MYO18A: variants seen among roughly 807,000 people sequenced by gnomAD.
MYO18A encodes myosin XVIIIA.
Under a neutral mutation model 235.8 loss-of-function variants are expected in MYO18A, and 78 were observed. The observed-to-expected ratio is 0.33, with a 90% confidence interval of 0.28 to 0.40. The LOEUF is 0.40. Among genes scored for constraint, MYO18A ranks in the 10% least tolerant of loss-of-function variants. The pLI, the probability that MYO18A is intolerant of heterozygous loss-of-function variation, is 1.00. For synonymous variants in MYO18A, 977 were observed against 1,077.8 expected, an observed-to-expected ratio of 0.91 and a Z score of 1.83; for missense variants, 2,215 against 2,699.3, an observed-to-expected ratio of 0.82 and a Z score of 3.98.
At chr17:29,157,995 T>G (rs1311670505) in intron 2 of MYO18A, among the ~76,000 whole-genome samples, 1 of 152,190 alleles carries the variant, frequency 6.6e-6, no homozygotes, top group East Asian at 1.9e-4. Context: ...TGTTTTGCCA[T>G]GTTGCCCAGG....
intron 22 of MYO18A, 74 bp from the exon 23 acceptor site, chr17:29,099,043 C>G (rs1423218898): frequency 6.3e-7 from 1 of 1,576,534 alleles, no homozygotes; most frequent in Non-Finnish European, 8.6e-7. Flanking sequence ...GGATCCTCCC[C>G]ACCACCAGCA....
intron 2 of MYO18A, chr17:29,133,808 C>T: frequency 1.6e-6 from 2 of 1,289,338 alleles, no homozygotes; most frequent in Non-Finnish European, 2.0e-6. Context: ...CTTTTGCTCC[C>T]AGAAGGCGAA....
rs879700986 is a variant in MYO18A at position 29,125,145 on chromosome 17, C to T, written c.1000-2892G>A. On this transcript the variant is annotated intron_variant, in intron 2 of 41. Transcript: ENST00000527372. This position sits in a 1 kb window ranked among gnomAD's most constrained non-coding sequence, Gnocchi z 5.1. Reference sequence around the variant, plus strand: ...TCCAGAGCATTTCTCAGCCTAGCTCCCCTGTGGCCACCAGCACAGAGCTGT... The same window carrying T: ...TCCAGAGCATTTCTCAGCCTAGCTCTCCTGTGGCCACCAGCACAGAGCTGT... Among the ~76,000 whole-genome samples the T allele has an allele frequency of 2.0e-5, 3 of 152,210 alleles. No homozygotes were observed. The highest frequency in any genetic ancestry group is 2.9e-5 in the Non-Finnish European group (2 of 68,026).
At chr17:29,144,017 C>A (rs2067797230) in intron 2 of MYO18A, among the ~76,000 whole-genome samples, 1 of 152,226 alleles carries the variant, frequency 6.6e-6, no homozygotes, top group South Asian at 2.1e-4. Context: ...ATTCTTTTGT[C>A]CCCTACCTCA....
At position 29,083,512 on chromosome 17, in the gene MYO18A, AGGCATGTGTGCGCGCGCGCG is replaced by A. The variant is rs138806877; in HGVS notation, c.5898-1094_5898-1075del. ...TATGTTCTTAAATAAACAGCCACAC[AGGCATGTGTGCGCGCGCGCG>A]CACACACACACACACACACACACAC... On this transcript the variant is annotated intron_variant, in intron 40 of 41. Coordinates refer to ENST00000527372, the MANE Select transcript of MYO18A (RefSeq NM_078471.4). Among the ~76,000 whole-genome samples, 271 of 141,176 alleles carry A rather than the reference AGGCATGTGTGCGCGCGCGCG, an allele frequency of 1.9e-3. 5 individuals carry two copies. Among genetic ancestry groups the A allele is most frequent in the Non-Finnish European group, 2.3e-3 (150 of 64,330 alleles). 92.6% of individuals were successfully genotyped at this position (141,176 alleles called of 152,430 possible). A position where few individuals can be genotyped will look rare whatever the true frequency, so the allele number is the denominator to read the frequency against.
chr17:29,124,336 T>C lies in MYO18A; in HGVS notation c.1000-2083A>G, dbSNP rs573752418. The stretch of plus-strand genomic sequence containing the variant: ...CTTTCTCTCTCCAGAGTGAGCAGAG[T>C]TGAAACACCTAGAACTCAACCAGGC... On this transcript the variant is annotated intron_variant, in intron 2 of 41. Coordinates refer to ENST00000527372, the MANE Select transcript of MYO18A (RefSeq NM_078471.4). 3.9e-4 allele frequency among the ~76,000 whole-genome samples: 60 copies of C among 152,084 alleles called. 3 individuals carry two copies. The South Asian group carries it at 0.012, about 30-fold the overall frequency.
intron 1 of MYO18A, among the ~76,000 whole-genome samples, chr17:29,169,269 C>G (rs1174408022): frequency 6.6e-6 from 1 of 152,104 alleles, no homozygotes. Flanking sequence ...CCAGGATGGT[C>G]TCGATCTCCT....
chr17:29,166,333 A>C lies in MYO18A; in HGVS notation c.608T>G (p.Val203Gly), dbSNP rs1567645021. ...CACCACGGGGGGCAGGCGCAGGTCG[A>C]CTGGGAACTTTTTAGTCACTAGCTC... is the stretch of plus-strand genomic sequence containing the variant. ...APELVTKKFPVDLRLPPVVPL... is the reference protein window; with the variant it reads ...APELVTKKFPGDLRLPPVVPL... The change falls in exon 2 of 42, where the codon GTC becomes GGC. Residue 203 changes from valine to glycine, a missense_variant. Coordinates refer to ENST00000527372, the MANE Select transcript of MYO18A (RefSeq NM_078471.4). 2 of 1,612,624 alleles carry C rather than the reference A, an allele frequency of 1.2e-6. No individual in the cohort carries two copies. The highest frequency in any genetic ancestry group is 1.7e-5 in the Admixed American group (1 of 60,018).
At chr17:29,147,889 CAAAAAAAAAA>C (rs11389237) in intron 2 of MYO18A, among the ~76,000 whole-genome samples, 1 of 87,102 alleles carries the variant, frequency 1.1e-5, no homozygotes, top group Non-Finnish European at 2.3e-5. Flanking sequence ...GCCTGGGTGA[CAAAAAAAAAA>C]AAAAAAAAAG....
chr17:29,089,825 G>T, intron 37 of MYO18A, 136 bp downstream of exon 37: 1 of 1,162,784 alleles, frequency 8.6e-7, no homozygotes, highest in Middle Eastern at 2.3e-4. Context: ...GCACCTGCCC[G>T]TCAGCTGGCC....
At chr17:29,095,912 G>A (rs911200755) in intron 28 of MYO18A, among the ~76,000 whole-genome samples, 3 of 152,204 alleles carry the variant, frequency 2.0e-5, no homozygotes, top group Non-Finnish European at 4.4e-5. Flanking sequence ...GTCGAGCTAA[G>A]GGTGCCAGCC....
chr17:29,090,791 G>T lies in MYO18A; in HGVS notation c.5304+19C>A, dbSNP rs1245153107. On this transcript the variant is annotated intron_variant, in intron 35 of 41. Coordinates refer to ENST00000527372, the MANE Select transcript of MYO18A (RefSeq NM_078471.4). ...ATGGTGACGGTGCAGAGTGTGACGG[G>T]CACTCCTGGCAGGGGTACCTGAGCC... 1 of 1,601,020 alleles carries T rather than the reference G, an allele frequency of 6.2e-7. No homozygotes were observed. The highest frequency in any genetic ancestry group is 1.1e-5 in the South Asian group (1 of 90,762).
intron 21 of MYO18A, among the ~76,000 whole-genome samples, chr17:29,101,573 G>C (rs2066652392): frequency 6.6e-6 from 1 of 152,182 alleles, no homozygotes; most frequent in Non-Finnish European, 1.5e-5. Context: ...TCCCAAAGTG[G>C]TAGGATTGCA....
At chr17:29,099,580 C>T in intron 22 of MYO18A, 54 bp downstream of exon 22, 1 of 1,583,530 alleles carries the variant, frequency 6.3e-7, no homozygotes, top group Non-Finnish European at 8.6e-7. Flanking sequence ...ACCCCAGGAA[C>T]TTGGCTGTGC....
chr17:29,157,794 T>C (rs939563969), intron 2 of MYO18A, among the ~76,000 whole-genome samples: 1 of 152,094 alleles, frequency 6.6e-6, no homozygotes, highest in African/African-American at 2.4e-5. Context: ...CTTTTTTTTT[T>C]CTTTCGAGAC....
chr17:29,116,536 C>A, intron 10 of MYO18A, 81 bp from the exon 11 acceptor site: 1 of 1,566,872 alleles, frequency 6.4e-7, no homozygotes, highest in South Asian at 1.1e-5. Context: ...CTCGCCGCCT[C>A]GGAGGGACCG....
At chr17:29,160,720 G>GT (rs920989928) in intron 2 of MYO18A, among the ~76,000 whole-genome samples, 5 of 152,290 alleles carry the variant, frequency 3.3e-5, no homozygotes, top group African/African-American at 1.2e-4. Flanking sequence ...CGTGGAGGTG[G>GT]TTTATGTGAA....
At chr17:29,097,997 G>A in intron 25 of MYO18A, 98 bp from the exon 26 acceptor site, 1 of 1,573,806 alleles carries the variant, frequency 6.4e-7, no homozygotes, top group Non-Finnish European at 8.6e-7. Flanking sequence ...AGGGCAGACA[G>A]GGATGCTGGG....
At position 29,074,900 on chromosome 17, in the gene MYO18A, C is replaced by CAGT; in HGVS notation, c.6032_6034dup (p.Tyr2011dup). The CAGT allele has an allele frequency of 6.2e-7, 1 of 1,613,922 alleles. No individual in the cohort carries two copies. Among genetic ancestry groups the CAGT allele is most frequent in the Non-Finnish European group, 8.5e-7 (1 of 1,179,864 alleles). On this transcript the variant is annotated inframe_insertion, in exon 42 of 42. Transcript: ENST00000527372. The surrounding 1 kb of genome is among the most constrained non-coding windows in gnomAD (Gnocchi z 4.4). ...TGACCGATCAGGGGCAAGGGACTTC[C>CAGT]AGTAGCTGGTGGGGCTGCAGGGACC...
Sources: allele counts gnomAD v4.1 joint callset (sites outside exome capture counted in the v4.1 genomes callset), GRCh38; gene constraint gnomAD v4.1.1; non-coding constraint Gnocchi (gnomAD v3.1); transcripts MANE v1.5; gene names NCBI Gene and HGNC (gene_info 2026-07-23, HGNC 2026-07-21).